Variants in KYNU observed in about 807,000 individuals in gnomAD.
The protein encoded by KYNU is L-kynurenine hydrolase.
In KYNU, 54 loss-of-function variants were observed where a neutral mutation model predicts 59.2. That is an observed-to-expected ratio of 0.91 (90% CI 0.73 to 1.14). The LOEUF is 1.14. Among genes scored for constraint, KYNU ranks in the 50% most tolerant of loss-of-function variants. The probability of loss-of-function intolerance (pLI) is 0.00; values close to 1 mark genes in which losing one functional copy is unlikely to be tolerated. For synonymous variants in KYNU, 177 were observed against 192.0 expected, an observed-to-expected ratio of 0.92 and a Z score of 0.65; for missense variants, 567 against 554.4, an observed-to-expected ratio of 1.02 and a Z score of -0.23.
At chr2:142,976,144 G>C (rs930932863) in intron 8 of KYNU, among the ~76,000 whole-genome samples, 1 of 152,190 alleles carries the variant, frequency 6.6e-6, no homozygotes. Flanking sequence ...AGAGAGGCAA[G>C]GGGTGGAGGG....
chr2:143,029,752 T>C lies in KYNU; in HGVS notation c.955+73T>C, dbSNP rs1686690510. 4.4e-6 allele frequency: 4 copies of C among 915,816 alleles called. No individual in the cohort carries two copies. The East Asian group carries it at 7.3e-5, about 17-fold the overall frequency. The allele number at this position is 915,816 out of a possible 1,614,324, so 56.7% of individuals were successfully genotyped here. ...TCAATGTTCATCTGTCTTTGTATTA[T>C]GTGTAATGTATATGCCCCAGGGAGA... On this transcript the variant is annotated intron_variant, in intron 11 of 13. Coordinates refer to ENST00000264170, the MANE Select transcript of KYNU (RefSeq NM_003937.3).
chr2:142,989,915 T>C (rs894442741), intron 10 of KYNU: 1 of 151,860 alleles, frequency 6.6e-6, no homozygotes, highest in African/African-American at 2.4e-5. Flanking sequence ...AAACAGCAAA[T>C]TGCATCTGTA....
intron 11 of KYNU, among the ~76,000 whole-genome samples, chr2:143,032,296 AAAAAAC>A (rs1441487121): frequency 2.7e-5 from 4 of 149,148 alleles, no homozygotes; most frequent in Non-Finnish European, 5.9e-5. Flanking sequence ...AAACAAAAAA[AAAAAAC>A]AAAACAAAAA....
chr2:142,934,579 A>G (rs1242876267), intron 4 of KYNU, among the ~76,000 whole-genome samples: 2 of 152,144 alleles, frequency 1.3e-5, no homozygotes, highest in Admixed American at 6.5e-5. Context: ...AATTTCTACA[A>G]TAGAGACTTG....
intron 4 of KYNU, among the ~76,000 whole-genome samples, chr2:142,941,675 A>G (rs1683605859): frequency 6.6e-6 from 1 of 152,170 alleles, no homozygotes. Context: ...GGAATTTAAG[A>G]GATTTGCCAT....
At chr2:142,989,031 G>C in intron 10 of KYNU, 1 of 694,138 alleles carries the variant, frequency 1.4e-6, no homozygotes, top group African/African-American at 1.8e-5. Context: ...CCTGTGAGAA[G>C]AGTGATAAAC....
At chr2:142,939,472 C>T (rs1013556246) in intron 4 of KYNU, among the ~76,000 whole-genome samples, 3 of 151,422 alleles carry the variant, frequency 2.0e-5, no homozygotes, top group East Asian at 1.9e-4. Context: ...CATTGTGGCA[C>T]GTGTCTGAAA....
intron 2 of KYNU, among the ~76,000 whole-genome samples, chr2:142,897,106 T>C (rs1049072347): frequency 6.6e-6 from 1 of 152,268 alleles, no homozygotes; most frequent in Non-Finnish European, 1.5e-5. Flanking sequence ...TGTAGTTTAA[T>C]TGTATTGTGG....
rs1380247799 is a variant in KYNU at position 143,042,259 on chromosome 2, A to G, written c.*87A>G. 1.6e-6 allele frequency: 2 copies of G among 1,273,110 alleles called. No individual in the cohort carries two copies. The highest frequency in any genetic ancestry group is 2.3e-6 in the Non-Finnish European group (2 of 888,186). 78.9% of individuals were successfully genotyped at this position (1,273,110 alleles called of 1,614,324 possible). On this transcript the variant is annotated 3_prime_UTR_variant, in exon 14 of 14. Transcript: ENST00000264170. ...TATTCGATTTTTAATTATTGAAAGT[A>G]TGTCACCATTGACCACATGTAACTA...
At chr2:142,931,668 A>C (rs1024334764) in intron 4 of KYNU, among the ~76,000 whole-genome samples, 10 of 152,192 alleles carry the variant, frequency 6.6e-5, no homozygotes, top group Non-Finnish European at 1.0e-4. Context: ...GAGTCTCATG[A>C]GGGCAAAAGG....
At chr2:142,935,628 G>A (rs569410958) in intron 4 of KYNU, among the ~76,000 whole-genome samples, 6 of 152,276 alleles carry the variant, frequency 3.9e-5, no homozygotes, top group Middle Eastern at 3.4e-3. Flanking sequence ...GAAATGAACC[G>A]AGTCTTTTGT....
intron 2 of KYNU, among the ~76,000 whole-genome samples, chr2:142,909,199 A>C (rs571217451): frequency 6.6e-6 from 1 of 151,962 alleles, no homozygotes; most frequent in Non-Finnish European, 1.5e-5. Flanking sequence ...TAGGTAATCC[A>C]TATTTGTAGA....
chr2:142,883,839 G>T (rs1019980552), intron 1 of KYNU, among the ~76,000 whole-genome samples: 4 of 152,272 alleles, frequency 2.6e-5, no homozygotes, highest in African/African-American at 9.6e-5. Flanking sequence ...TTGTACAAGG[G>T]TTGGCACTTA....
chr2:142,910,120 A>G (rs1682428615), intron 2 of KYNU, among the ~76,000 whole-genome samples: 1 of 118,910 alleles, frequency 8.4e-6, no homozygotes. Flanking sequence ...GTGTCTATTC[A>G]TGTTCTTTGC....
At chr2:142,942,656 G>A (rs2105054123) in intron 4 of KYNU, among the ~76,000 whole-genome samples, 1 of 152,318 alleles carries the variant, frequency 6.6e-6, no homozygotes, top group African/African-American at 2.4e-5. Flanking sequence ...AAATTTTAGA[G>A]CAGGAGTGAA....
At chr2:142,878,505 C>G (rs1281178067) in intron 1 of KYNU, among the ~76,000 whole-genome samples, 1 of 152,066 alleles carries the variant, frequency 6.6e-6, no homozygotes, top group Non-Finnish European at 1.5e-5. Flanking sequence ...TACACGCTTT[C>G]TCAACATATT....
At chr2:142,918,516 G>A (rs1682750765) in intron 2 of KYNU, 93 bp from the exon 3 acceptor site, 1 of 1,307,170 alleles carries the variant, frequency 7.7e-7, no homozygotes, top group Non-Finnish European at 1.0e-6. Context: ...CCTTCTTAGA[G>A]TTGATTGTAT....
At chr2:142,939,130 AGACT>A (rs1683493363) in intron 4 of KYNU, among the ~76,000 whole-genome samples, 1 of 151,844 alleles carries the variant, frequency 6.6e-6, no homozygotes, top group Non-Finnish European at 1.5e-5. Context: ...CCTGGGTGAC[AGACT>A]AAGACCCTGT....
At chr2:142,937,401 A>G (rs1302389639) in intron 4 of KYNU, among the ~76,000 whole-genome samples, 1 of 152,148 alleles carries the variant, frequency 6.6e-6, no homozygotes, top group Non-Finnish European at 1.5e-5. Context: ...TGCACAACCT[A>G]AAGAGTCTGA....
Sources: allele counts gnomAD v4.1 joint callset (sites outside exome capture counted in the v4.1 genomes callset), GRCh38; gene constraint gnomAD v4.1.1; transcripts MANE v1.5; gene names NCBI Gene and HGNC (gene_info 2026-07-23, HGNC 2026-07-21).